SEC23B: variants seen among roughly 807,000 people sequenced by gnomAD.
SEC23B encodes SEC23 homolog B, COPII component, also known as protein transport protein Sec23B.
SEC23B carries 77 observed loss-of-function variants against 104.3 expected under a neutral mutation model. The observed-to-expected ratio is 0.74, with a 90% CI of 0.61 to 0.89. The LOEUF (loss-of-function observed/expected upper bound fraction) is 0.89. SEC23B is among the 40% of genes least tolerant of loss of function. The pLI is 0.00. For synonymous variants in SEC23B, 338 were observed against 332.5 expected (o/e 1.02, Z -0.18); for missense variants, 885 against 949.4 (o/e 0.93, Z 0.89).
intron 15 of SEC23B, among the ~76,000 whole-genome samples, chr20:18,547,542 G>A (rs1258734180): frequency 1.3e-5 from 2 of 152,160 alleles, no homozygotes; most frequent in East Asian, 3.9e-4. Flanking sequence ...ACCTATGGTT[G>A]CAGTGTCATC....
intron 19 of SEC23B, 67 bp downstream of exon 19, chr20:18,555,240 C>G: frequency 7.6e-7 from 1 of 1,315,724 alleles, no homozygotes; most frequent in Admixed American, 1.7e-5. Context: ...TTTTAAAATT[C>G]TACAAATTGG....
At chr20:18,531,507 C>G (rs953722256) in intron 10 of SEC23B, among the ~76,000 whole-genome samples, 1 of 151,776 alleles carries the variant, frequency 6.6e-6, no homozygotes, top group African/African-American at 2.4e-5. Context: ...AAATACAAAA[C>G]TAGCCGGGCG....
chr20:18,530,776 G>A lies in SEC23B; in HGVS notation c.1206G>A (p.Met402Ile), dbSNP rs753630745. 1.9e-6 allele frequency: 3 copies of A among 1,612,876 alleles called. No individual in the cohort carries two copies. The highest frequency in any genetic ancestry group is 4.5e-5 in the East Asian group (2 of 44,802). ...AAGATTTTAATGGAGATTTCCGAAT[G>A]GCATTTGGTGCTACTTTGGACGTAA... ...FTKDFNGDFR[M>I]AFGATLDVKT... Residue 402 changes from methionine to isoleucine, a missense_variant, in exon 10 of 20, where the codon ATG (methionine) becomes ATA (isoleucine). By Grantham distance (10) the Met-to-Ile change is conservative. Coordinates refer to ENST00000650089, the MANE Select transcript of SEC23B (RefSeq NM_006363.6).
intron 5 of SEC23B, 37 bp downstream of exon 5, chr20:18,524,706 CT>C (rs768541341): frequency 1.9e-5 from 29 of 1,551,344 alleles, no homozygotes; most frequent in Non-Finnish European, 2.1e-5. Flanking sequence ...GAAACAAGGA[CT>C]TTTTTTTAAA....
Position 18,546,527 on chromosome 20 carries a change from CAA to C in SEC23B, c.1743+495_1743+496del, listed in dbSNP as rs141542256. On this transcript the variant is annotated intron_variant, in intron 15 of 19. Coordinates refer to ENST00000650089, the MANE Select transcript of SEC23B (RefSeq NM_006363.6). ...AACCAAGCCTTTGGAAGCCATTGGACAAGAGAGAGGAGCAGGAGAAGTAGATG... is the reference window on the plus strand; with the variant it reads ...AACCAAGCCTTTGGAAGCCATTGGACGAGAGAGGAGCAGGAGAAGTAGATG... Among the ~76,000 whole-genome samples the C allele has an allele frequency of 5.0e-3, 765 of 152,318 alleles. 2 individuals carry two copies. The highest frequency in any genetic ancestry group is 0.018 in the African/African-American group (740 of 41,562).
At chr20:18,529,129 T>C (rs2060159675) in intron 9 of SEC23B, among the ~76,000 whole-genome samples, 2 of 152,158 alleles carry the variant, frequency 1.3e-5, no homozygotes, top group South Asian at 2.1e-4. Context: ...TGAGGAATGA[T>C]TGAAGTAGCT....
In SEC23B at chr20:18,531,762, G is replaced by GT. The variant is rs1447900733; in HGVS notation, c.1234-901dup. On this transcript the variant is annotated intron_variant, in intron 10 of 19. Coordinates refer to ENST00000650089, the MANE Select transcript of SEC23B (RefSeq NM_006363.6). ...GTCATTGAGAAAGCATTAAAAGAGG[G>GT]TGTTAGGCCAGGCACGGTGGCTCAT... Among the ~76,000 whole-genome samples the GT allele has an allele frequency of 1.3e-5, 2 of 151,528 alleles. 1 individual carries two copies. Among genetic ancestry groups the GT allele is most frequent in the East Asian group, 3.9e-4 (2 of 5,180 alleles).
Position 18,510,826 on chromosome 20 carries a change from C to G in SEC23B, c.-10C>G, listed in dbSNP as rs760962295. On this transcript the variant is annotated 5_prime_UTR_variant, in exon 2 of 20. Coordinates refer to ENST00000650089, the MANE Select transcript of SEC23B (RefSeq NM_006363.6). ...TAATTAAAGTTTTATCTTCAGTTCC[C>G]TTTTAGACTATGGCGACATACCTGG... 6.8e-6 allele frequency: 11 copies of G among 1,612,326 alleles called. No homozygotes were observed. In the East Asian group the frequency reaches 2.5e-4, roughly 36 times the overall value.
chr20:18,557,686 TTTA>T (rs1261282072), intron 19 of SEC23B, among the ~76,000 whole-genome samples: 6 of 152,018 alleles, frequency 3.9e-5, no homozygotes, highest in Non-Finnish European at 8.8e-5. Context: ...CATGGTTGCT[TTTA>T]TTGTTTTCTT....
rs375734554 is a variant in SEC23B, at chr20:18,560,663, C to T, written c.2227C>T (p.Pro743Ser). The change falls in exon 20 of 20, where the codon CCC (proline) becomes TCC (serine). Residue 743 changes from proline (P) to serine (S), a missense_variant. Physicochemically the swap from Pro to Ser is moderately conservative, Grantham distance 74. Coordinates refer to ENST00000650089, the MANE Select transcript of SEC23B (RefSeq NM_006363.6). ...CATTACATTTCAGGAAACTGGAGCA[C>T]CCATCCTAACTGATGATGTTAGCCT... ...LYAWGQETGA[P>S]ILTDDVSLQV... 11 of 1,613,514 alleles carry T rather than the reference C, an allele frequency of 6.8e-6. No individual in the cohort carries two copies. The African/African-American group carries it at 1.3e-4, about 20-fold the overall frequency.
chr20:18,542,346 G>C lies in SEC23B; in HGVS notation c.1455G>C (p.Thr485=), dbSNP rs553661024. 5 of 1,614,194 alleles carry C rather than the reference G, an allele frequency of 3.1e-6. No homozygotes were observed. Among genetic ancestry groups the C allele is most frequent in the Admixed American group, 3.3e-5 (2 of 60,024 alleles). The part of the protein sequence containing the change: ...QGGRGAIQFV[T]HYQHSSTQRR... ...GCAGAGGAGCCATCCAGTTTGTCAC[G>C]CATTATCAGCACTCCAGCACCCAGA... Residue 485 remains threonine (T), a synonymous_variant, in exon 13 of 20, where the codon ACG becomes ACC. Transcript: ENST00000650089.
chr20:18,539,210 T>TCAAAAAA (rs1568615453), intron 12 of SEC23B, among the ~76,000 whole-genome samples: 10 of 95,100 alleles, frequency 1.1e-4, no homozygotes, highest in South Asian at 3.8e-4. Flanking sequence ...AGACTCCGTC[T>TCAAAAAA]AAAAAAAAAA....
At chr20:18,551,270 C>T in intron 17 of SEC23B, 95 bp downstream of exon 17, 2 of 712,148 alleles carry the variant, frequency 2.8e-6, no homozygotes, top group South Asian at 1.7e-5. Flanking sequence ...AATTATTGTC[C>T]TTAACTATGG....
chr20:18,555,862 C>A (rs1177664280), intron 19 of SEC23B, among the ~76,000 whole-genome samples: 1 of 151,994 alleles, frequency 6.6e-6, no homozygotes, highest in East Asian at 1.9e-4. Flanking sequence ...CACTTATGCA[C>A]TTTATTTCTA....
chr20:18,518,582 G>GTTTTT lies in SEC23B; in HGVS notation c.366+2865_366+2869dup, dbSNP rs57231166. Among the ~76,000 whole-genome samples the GTTTTT allele has an allele frequency of 5.2e-3, 483 of 92,648 alleles. 51 individuals are homozygous for GTTTTT. Among genetic ancestry groups the GTTTTT allele is most frequent in the Middle Eastern group, 0.031 (3 of 98 alleles). 60.8% of individuals were successfully genotyped at this position (92,648 alleles called of 152,430 possible). On this transcript the variant is annotated intron_variant, in intron 4 of 19. Transcript: ENST00000650089. ...AATGGGCCTGTGAGGCTGGAAGGAG[G>GTTTTT]TTTTTTTTTTTTTTTTTTTTTTTGT...
chr20:18,535,527 T>C, intron 11 of SEC23B, 126 bp from the exon 12 acceptor site: 3 of 705,938 alleles, frequency 4.2e-6, no homozygotes, highest in Non-Finnish European at 7.6e-6. Context: ...TTATTTCAAC[T>C]TAAATGTTCT....
At chr20:18,530,124 T>C (rs1302057992) in intron 9 of SEC23B, among the ~76,000 whole-genome samples, 1 of 152,200 alleles carries the variant, frequency 6.6e-6, no homozygotes, top group African/African-American at 2.4e-5. Context: ...ACCAAAGAAC[T>C]GTGAGAGGAA....
chr20:18,512,011 T>G (rs922249159), intron 2 of SEC23B, among the ~76,000 whole-genome samples: 1 of 152,250 alleles, frequency 6.6e-6, no homozygotes, highest in African/African-American at 2.4e-5. Flanking sequence ...ATTTCTTCAC[T>G]GTGGCTGTTT....
intron 14 of SEC23B, among the ~76,000 whole-genome samples, chr20:18,543,607 TACA>T (rs1303855471): frequency 6.6e-6 from 1 of 152,166 alleles, no homozygotes; most frequent in Non-Finnish European, 1.5e-5. Context: ...TTATAAAGAA[TACA>T]ACAAGAGAGT....
Sources: allele counts gnomAD v4.1 joint callset (sites outside exome capture counted in the v4.1 genomes callset), GRCh38; gene constraint gnomAD v4.1.1; transcripts MANE v1.5; gene names NCBI Gene and HGNC (gene_info 2026-07-23, HGNC 2026-07-21).